The following LRRC4C variants were observed in gnomAD, a reference collection of about 807,000 sequenced individuals.
LRRC4C encodes leucine rich repeat containing 4C.
A neutral mutation model predicts 33.6 loss-of-function variants in LRRC4C; 5 were observed. The observed-to-expected ratio is 0.15, with a 90% CI of 0.08 to 0.31. LRRC4C has a LOEUF of 0.31. LRRC4C is among the 10% of genes least tolerant of loss of function. The pLI is 1.00. For synonymous variants in LRRC4C, 329 were observed against 302.0 expected (o/e 1.09, Z -0.93); for missense variants, 560 against 796.7 (o/e 0.70, Z 3.58).
intron 2 of LRRC4C, among the ~76,000 whole-genome samples, chr11:40,707,640 A>G (rs1429939491): frequency 6.6e-6 from 1 of 151,672 alleles, no homozygotes; most frequent in Non-Finnish European, 1.5e-5. Flanking sequence ...TTTTGCATCG[A>G]TGTTCATCAG....
intron 1 of LRRC4C, among the ~76,000 whole-genome samples, chr11:41,122,091 A>G (rs532747180): frequency 2.6e-4 from 40 of 152,304 alleles, no homozygotes; most frequent in African/African-American, 9.1e-4. Context: ...GAAGCTGGAG[A>G]GATGCAAAAG....
At chr11:40,805,265 A>G (rs2135326986) in intron 2 of LRRC4C, among the ~76,000 whole-genome samples, 1 of 152,292 alleles carries the variant, frequency 6.6e-6, no homozygotes, top group Admixed American at 6.5e-5. Context: ...CTTGGGCCAA[A>G]GACAGAAAAA....
chr11:40,794,699 G>C (rs1950756360), intron 2 of LRRC4C, among the ~76,000 whole-genome samples: 1 of 152,152 alleles, frequency 6.6e-6, no homozygotes, highest in South Asian at 2.1e-4. Flanking sequence ...CAATTCCTAT[G>C]AGTAATACTG....
At chr11:41,090,447 T>C (rs1025006299) in intron 1 of LRRC4C, among the ~76,000 whole-genome samples, 8 of 152,132 alleles carry the variant, frequency 5.3e-5, no homozygotes, top group Non-Finnish European at 1.0e-4. Context: ...CAAACATATT[T>C]TAGTTTCAAA....
intron 1 of LRRC4C, among the ~76,000 whole-genome samples, chr11:41,457,604 C>T (rs1347096930): frequency 6.6e-6 from 1 of 152,016 alleles, no homozygotes; most frequent in East Asian, 1.9e-4. Flanking sequence ...CTCCTAGGCT[C>T]AAGCCATTTA....
chr11:40,939,544 C>T (rs1232821121), intron 1 of LRRC4C, among the ~76,000 whole-genome samples: 1 of 152,092 alleles, frequency 6.6e-6, no homozygotes. Flanking sequence ...TAACTGCCCG[C>T]TCGGTTTTAG....
intron 1 of LRRC4C, among the ~76,000 whole-genome samples, chr11:41,265,341 G>C (rs1448238005): frequency 6.6e-6 from 1 of 152,090 alleles, no homozygotes; most frequent in Non-Finnish European, 1.5e-5. Context: ...ATACTTAAAA[G>C]ACACTATAGC....
intron 2 of LRRC4C, among the ~76,000 whole-genome samples, chr11:40,790,339 T>C (rs948378720): frequency 5.9e-5 from 9 of 152,330 alleles, no homozygotes; most frequent in African/African-American, 1.9e-4. Context: ...CTCAAATACA[T>C]TGATGATTTA....
At chr11:40,964,702 A>T (rs1851217082) in intron 1 of LRRC4C, among the ~76,000 whole-genome samples, 1 of 151,628 alleles carries the variant, frequency 6.6e-6, no homozygotes. Flanking sequence ...ACATGAACTC[A>T]TCCTTTTTTA....
chr11:41,000,889 T>C (rs1214507943), intron 1 of LRRC4C, among the ~76,000 whole-genome samples: 1 of 152,186 alleles, frequency 6.6e-6, no homozygotes, highest in Non-Finnish European at 1.5e-5. Flanking sequence ...ATGTTTATTT[T>C]GGAATTTTGA....
chr11:41,007,851 G>C (rs1397053688), intron 1 of LRRC4C, among the ~76,000 whole-genome samples: 1 of 152,014 alleles, frequency 6.6e-6, no homozygotes, highest in Non-Finnish European at 1.5e-5. Context: ...AGCTATTACA[G>C]AATGCTTAGT....
At chr11:40,686,792 A>C (rs1011838867) in intron 2 of LRRC4C, among the ~76,000 whole-genome samples, 4 of 152,146 alleles carry the variant, frequency 2.6e-5, no homozygotes, top group Non-Finnish European at 5.9e-5. Context: ...TATAGGGTAC[A>C]TCTGCTACGA....
chr11:40,182,841 T>C (rs1444361889), intron 5 of LRRC4C, among the ~76,000 whole-genome samples: 1 of 152,216 alleles, frequency 6.6e-6, no homozygotes, highest in Admixed American at 6.5e-5. Context: ...TATACTGAAC[T>C]CTTATCATGC....
chr11:40,608,915 G>A (rs7115891), intron 3 of LRRC4C, among the ~76,000 whole-genome samples: 72,859 of 151,910 alleles, frequency 0.48, 17,763 homozygotes, highest in East Asian at 0.74. Context: ...TCAACACTCC[G>A]AAATATATGA....
intron 5 of LRRC4C, among the ~76,000 whole-genome samples, chr11:40,188,736 A>C (rs1262233266): frequency 6.6e-6 from 1 of 152,022 alleles, no homozygotes; most frequent in Non-Finnish European, 1.5e-5. Flanking sequence ...GCACACACAC[A>C]TACATCTACA....
rs76277559 is a variant in LRRC4C at position 40,811,434 on chromosome 11, A to G, written c.-407+122201T>C. Among the ~76,000 whole-genome samples the G allele has an allele frequency of 6.6e-5, 10 of 152,264 alleles. No homozygotes were observed. In the East Asian group the frequency reaches 1.9e-3, roughly 29 times the overall value. ...ATCCTGTTCACAGCTGTTTCCTAAGAGCCTGGTACAGTGCATGCCAGAGGG... is the reference window on the plus strand; with the variant it reads ...ATCCTGTTCACAGCTGTTTCCTAAGGGCCTGGTACAGTGCATGCCAGAGGG... On this transcript the variant is annotated intron_variant, in intron 2 of 6. Transcript: ENST00000528697.
At chr11:40,573,598 A>T (rs1958067464) in intron 3 of LRRC4C, among the ~76,000 whole-genome samples, 1 of 152,140 alleles carries the variant, frequency 6.6e-6, no homozygotes, top group African/African-American at 2.4e-5. Context: ...CCCTCTTCTG[A>T]TTTCCTAAAA....
At chr11:40,565,796 A>T (rs1274589224) in intron 3 of LRRC4C, among the ~76,000 whole-genome samples, 1 of 152,126 alleles carries the variant, frequency 6.6e-6, no homozygotes, top group African/African-American at 2.4e-5. Flanking sequence ...AAGTCTCATA[A>T]AATTCTGGCT....
chr11:40,646,031 GTTT>G lies in LRRC4C; in HGVS notation c.-270+2108_-270+2110del, dbSNP rs57017910. Reference sequence around the variant, plus strand: ...ATTACTACCTTTATGATTCCTCAGTGTTTTTTTTTTTTTTGCCTTTATTATTCG... The same window carrying G: ...ATTACTACCTTTATGATTCCTCAGTGTTTTTTTTTTTGCCTTTATTATTCG... On this transcript the variant is annotated intron_variant, in intron 3 of 6. Coordinates refer to ENST00000528697, the MANE Select transcript of LRRC4C (RefSeq NM_001258419.2). Among the ~76,000 whole-genome samples the G allele has an allele frequency of 3.9e-3, 545 of 141,536 alleles. 3 individuals are homozygous for G. Among genetic ancestry groups the G allele is most frequent in the African/African-American group, 0.012 (447 of 38,688 alleles). 92.9% of individuals were successfully genotyped at this position (141,536 alleles called of 152,430 possible). A position where few individuals can be genotyped will look rare whatever the true frequency, so the allele number is the denominator to read the frequency against.
Sources: allele counts gnomAD v4.1 joint callset (sites outside exome capture counted in the v4.1 genomes callset), GRCh38; gene constraint gnomAD v4.1.1; transcripts MANE v1.5; gene names NCBI Gene and HGNC (gene_info 2026-07-23, HGNC 2026-07-21).